The following RP1 variants were observed in gnomAD, a reference collection of about 807,000 sequenced individuals.
The protein encoded by RP1 is RP1 axonemal microtubule associated.
A neutral mutation model predicts 14.8 loss-of-function variants in RP1; 16 were observed. That is an observed-to-expected ratio of 1.08 (90% CI 0.73 to 1.65). The LOEUF is 1.65. Among genes scored for constraint, RP1 ranks in the 40% most tolerant of loss-of-function variants. RP1 has a pLI of 0.00. For synonymous variants in RP1, 876 were observed against 883.6 expected, an observed-to-expected ratio of 0.99 and a Z score of 0.15; for missense variants, 2,631 against 2,535.0, an observed-to-expected ratio of 1.04 and a Z score of -0.81.
At chr8:54,571,472 G>A (rs1432750071) in intron 1 of RP1, among the ~76,000 whole-genome samples, 3 of 152,192 alleles carry the variant, frequency 2.0e-5, no homozygotes, top group Non-Finnish European at 4.4e-5. Flanking sequence ...ACCACAGTCA[G>A]GTTTCTCAGA....
chr8:54,805,550 G>T (rs1366061440), intron 24 of RP1, among the ~76,000 whole-genome samples: 1 of 152,180 alleles, frequency 6.6e-6, no homozygotes, highest in Non-Finnish European at 1.5e-5. Context: ...CTGTGAATTT[G>T]TGCCATGTTA....
At chr8:54,581,404 C>G (rs1344565455) in intron 1 of RP1, among the ~76,000 whole-genome samples, 1 of 151,912 alleles carries the variant, frequency 6.6e-6, no homozygotes, top group Non-Finnish European at 1.5e-5. Flanking sequence ...CCAGTCTATC[C>G]TTGTTGGACA....
chr8:54,812,206 T>C (rs1020715212), intron 24 of RP1, among the ~76,000 whole-genome samples: 1 of 151,882 alleles, frequency 6.6e-6, no homozygotes, highest in Admixed American at 6.6e-5. Context: ...AGTGGTGTGA[T>C]CTCGGCCCAC....
intron 7 of RP1, among the ~76,000 whole-genome samples, chr8:54,670,969 A>G (rs779819934): frequency 3.3e-5 from 5 of 151,578 alleles, no homozygotes; most frequent in Non-Finnish European, 7.4e-5. Flanking sequence ...TCATGTTGCT[A>G]TCTAGTGTCC....
chr8:54,741,681 A>T (rs1384145721), intron 19 of RP1, among the ~76,000 whole-genome samples: 1 of 142,146 alleles, frequency 7.0e-6, no homozygotes, highest in Non-Finnish European at 1.5e-5. Flanking sequence ...TACCTTAAAT[A>T]TGTACATATA....
At chr8:54,770,070 C>T, downstream of RP1, 1 of 447,944 alleles carries the variant, frequency 2.2e-6, no homozygotes, top group Non-Finnish European at 3.9e-6. Context: ...TTCCCACTTA[C>T]AATGTCATCA....
At chr8:54,768,852 CA>C (rs1270872219) in intron 22 of RP1, among the ~76,000 whole-genome samples, 3 of 151,726 alleles carry the variant, frequency 2.0e-5, no homozygotes, top group African/African-American at 7.3e-5. Flanking sequence ...ACCCTAAGCA[CA>C]TTTTCCAGCA....
At chr8:54,571,456 C>T (rs1023518564) in intron 1 of RP1, among the ~76,000 whole-genome samples, 6 of 152,158 alleles carry the variant, frequency 3.9e-5, no homozygotes, top group Admixed American at 2.6e-4. Context: ...GCCCCTCCTT[C>T]CCATGACCAC....
At position 54,609,209 on chromosome 8, in the gene RP1, A is replaced by G. The variant is rs535277983; in HGVS notation, c.-12-11746A>G. Reference sequence around the variant, plus strand: ...ATTGGGTGCTGCTTGGTGTCATTTTACATTTGTGTGGGAGGCCAAGGTAGG... The same window carrying G: ...ATTGGGTGCTGCTTGGTGTCATTTTGCATTTGTGTGGGAGGCCAAGGTAGG... On this transcript the variant is annotated intron_variant, in intron 1 of 22. Transcript: ENST00000636932. Among the ~76,000 whole-genome samples the G allele has an allele frequency of 5.3e-5, 8 of 152,100 alleles. No homozygotes were observed. The South Asian group carries it at 1.5e-3, about 28-fold the overall frequency.
chr8:54,776,695 G>A (rs780994100), intron 23 of RP1, among the ~76,000 whole-genome samples: 4 of 152,186 alleles, frequency 2.6e-5, no homozygotes, highest in Admixed American at 6.5e-5. Context: ...CACTGGAAGG[G>A]AATTTGGGAT....
chr8:54,747,609 T>A lies in RP1; in HGVS notation c.2809-7194T>A, dbSNP rs112862009. Among the ~76,000 whole-genome samples, 1,244 of 152,328 alleles carry A rather than the reference T, an allele frequency of 8.2e-3. 19 individuals carry two copies. The highest frequency in any genetic ancestry group is 0.028 in the African/African-American group (1,171 of 41,570). ...GTTTATTTAACAAATATTTATAATA[T>A]GTGAAGTACGGCTGGGTGCATTGGC... On this transcript the variant is annotated intron_variant, in intron 19 of 22. Transcript: ENST00000636932.
At chr8:54,703,118 C>T (rs143940726) in intron 14 of RP1, among the ~76,000 whole-genome samples, 79 of 152,272 alleles carry the variant, frequency 5.2e-4, no homozygotes, top group Middle Eastern at 3.4e-3. Context: ...CTCCTATCCC[C>T]ATGAATCATA....
At chr8:54,739,552 T>C (rs1174695432) in intron 19 of RP1, among the ~76,000 whole-genome samples, 3 of 152,166 alleles carry the variant, frequency 2.0e-5, no homozygotes, top group African/African-American at 7.2e-5. Flanking sequence ...TTCATAGAAA[T>C]CTGAAGAATA....
intron 25 of RP1, among the ~76,000 whole-genome samples, chr8:54,849,824 G>C (rs1812016199): frequency 6.6e-6 from 1 of 152,098 alleles, no homozygotes; most frequent in South Asian, 2.1e-4. Flanking sequence ...TGCATTCCTT[G>C]ACAGATGGGG....
In RP1 at chr8:54,629,570, GA is replaced by G; in HGVS notation, c.5689del (p.Ile1897PhefsTer25). The G allele has an allele frequency of 6.2e-7, 1 of 1,614,034 alleles. No individual in the cohort carries two copies. The highest frequency in any genetic ancestry group is 8.5e-7 in the Non-Finnish European group (1 of 1,180,006). ...KNQPLPGSNMIHGTLQEADSL... is the reference protein window; with the variant it reads ...KNQPLPGSNMXHGTLQEADSL... ...ACCAACCATTGCCTGGCAGTAATAT[GA>G]TTCATGGTACACTTCAGGAAGCTGA... On this transcript the variant is annotated frameshift_variant, in exon 4 of 4. Transcript: ENST00000220676. LOFTEE classifies it low-confidence loss of function (END_TRUNC).
intron 1 of RP1, among the ~76,000 whole-genome samples, chr8:54,593,987 C>A (rs898082467): frequency 1.4e-4 from 21 of 152,244 alleles, no homozygotes; most frequent in Admixed American, 9.8e-4. Context: ...TCCAGCCCAG[C>A]AGGAAACACA....
At chr8:54,618,792 C>G (rs956310505) in intron 1 of RP1, among the ~76,000 whole-genome samples, 1 of 152,096 alleles carries the variant, frequency 6.6e-6, no homozygotes, top group Admixed American at 6.5e-5. Context: ...AGTAGAGTAG[C>G]TGGGACTACA....
At chr8:54,803,110 GC>G (rs1585705373) in intron 24 of RP1, among the ~76,000 whole-genome samples, 7 of 151,714 alleles carry the variant, frequency 4.6e-5, no homozygotes, top group Admixed American at 4.6e-4. Flanking sequence ...TTCTCAACTT[GC>G]CTGGAAACCA....
At chr8:54,656,079 A>T in intron 5 of RP1, 1 of 1,513,138 alleles carries the variant, frequency 6.6e-7, no homozygotes, top group Admixed American at 2.1e-5. Context: ...TATTGTTATT[A>T]TAGATACAGC....
Sources: allele counts gnomAD v4.1 joint callset (sites outside exome capture counted in the v4.1 genomes callset), GRCh38; gene constraint gnomAD v4.1.1; transcripts MANE v1.5; gene names NCBI Gene and HGNC (gene_info 2026-07-23, HGNC 2026-07-21).